PLXDC2: variants seen among roughly 807,000 people sequenced by gnomAD.
PLXDC2 encodes plexin domain-containing protein 2.
Under a neutral mutation model 68.9 loss-of-function variants are expected in PLXDC2, and 40 were observed. That is an observed-to-expected ratio of 0.58 (90% CI 0.45 to 0.76). The LOEUF is 0.76. Ranked by LOEUF, PLXDC2 falls within the 30% of genes least tolerant of loss-of-function variation. The pLI, the probability that PLXDC2 is intolerant of heterozygous loss-of-function variation, is 0.00. For missense variants in PLXDC2, 644 were observed against 661.9 expected (o/e 0.97, Z 0.30); for synonymous variants, 243 against 234.2 (o/e 1.04, Z -0.34).
At position 19,935,211 on chromosome 10, in the gene PLXDC2, T is replaced by A. The variant is rs528836963; in HGVS notation, c.113-66564T>A. Among the ~76,000 whole-genome samples the A allele has an allele frequency of 5.9e-5, 9 of 152,296 alleles. No homozygotes were observed. In the South Asian group the frequency reaches 1.9e-3, roughly 32 times the overall value. On this transcript the variant is annotated intron_variant, in intron 1 of 13. Transcript: ENST00000377252. Reference sequence around the variant, plus strand: ...ACAGTGGGGACCTAATGCTCTTTGATAAGACCAGTAGTCTCCTCAGATGCT... The same window carrying A: ...ACAGTGGGGACCTAATGCTCTTTGAAAAGACCAGTAGTCTCCTCAGATGCT...
chr10:20,239,490 C>T (rs115127774), intron 12 of PLXDC2, among the ~76,000 whole-genome samples: 2,290 of 152,248 alleles, frequency 0.015, 54 homozygotes, highest in African/African-American at 0.051. Context: ...CTTCACAAGG[C>T]GGCAGGACAG....
At chr10:20,230,955 C>G (rs529728210) in intron 12 of PLXDC2, among the ~76,000 whole-genome samples, 2 of 150,588 alleles carry the variant, frequency 1.3e-5, no homozygotes, top group Non-Finnish European at 3.0e-5. Context: ...CACTCTTTGA[C>G]TGCAAAAGAA....
intron 1 of PLXDC2, among the ~76,000 whole-genome samples, chr10:19,934,289 G>T (rs1199972953): frequency 6.6e-6 from 1 of 152,216 alleles, no homozygotes; most frequent in East Asian, 1.9e-4. Context: ...AGAAAGAAAT[G>T]ATAAGTAAAG....
intron 1 of PLXDC2, among the ~76,000 whole-genome samples, chr10:19,827,245 A>G (rs1209974264): frequency 2.6e-5 from 4 of 152,240 alleles, no homozygotes; most frequent in African/African-American, 9.6e-5. Context: ...TTATCCTTGT[A>G]CTGATACACA....
At chr10:20,052,722 C>CAAAAAAAAAAAAAAA (rs59776582) in intron 3 of PLXDC2, among the ~76,000 whole-genome samples, 5 of 92,792 alleles carry the variant, frequency 5.4e-5, no homozygotes, top group African/African-American at 1.2e-4. Context: ...ACAAATTATG[C>CAAAAAAAAAAAAAAA]AAAAAAAAAA....
chr10:19,990,675 TC>T (rs1834731901), intron 1 of PLXDC2, among the ~76,000 whole-genome samples: 1 of 152,216 alleles, frequency 6.6e-6, no homozygotes, highest in Non-Finnish European at 1.5e-5. Flanking sequence ...TGTCTTGATT[TC>T]TTTTTTTAAT....
chr10:20,139,211 A>T (rs371103200), intron 4 of PLXDC2, among the ~76,000 whole-genome samples: 1 of 152,352 alleles, frequency 6.6e-6, no homozygotes, highest in East Asian at 1.9e-4. Flanking sequence ...GTTGATTACA[A>T]CTGATCTCAG....
intron 4 of PLXDC2, among the ~76,000 whole-genome samples, chr10:20,110,973 T>A (rs1291021982): frequency 6.6e-6 from 1 of 152,180 alleles, no homozygotes; most frequent in African/African-American, 2.4e-5. Flanking sequence ...TGGGCTCCCT[T>A]GTCTATGCTC....
chr10:20,208,412 G>A (rs918841559), intron 9 of PLXDC2, among the ~76,000 whole-genome samples: 37 of 150,200 alleles, frequency 2.5e-4, no homozygotes, highest in African/African-American at 8.5e-4. Context: ...AGAACAGTAT[G>A]GGGGAAACTG....
chr10:20,184,092 C>T (rs1247156112), intron 9 of PLXDC2, among the ~76,000 whole-genome samples: 1 of 151,778 alleles, frequency 6.6e-6, no homozygotes, highest in African/African-American at 2.4e-5. Context: ...AGTAGTATCA[C>T]ATAATTATTT....
intron 1 of PLXDC2, among the ~76,000 whole-genome samples, chr10:19,824,952 G>A (rs1311255432): frequency 1.3e-5 from 2 of 152,050 alleles, no homozygotes; most frequent in African/African-American, 2.4e-5. Flanking sequence ...CTGAACATGG[G>A]GTCAGACACT....
intron 2 of PLXDC2, among the ~76,000 whole-genome samples, chr10:20,044,608 C>A (rs1835765448): frequency 6.6e-6 from 1 of 151,902 alleles, no homozygotes; most frequent in Non-Finnish European, 1.5e-5. Context: ...CCGCGTCCAG[C>A]CTGCAATTCT....
intron 2 of PLXDC2, among the ~76,000 whole-genome samples, chr10:20,042,785 TATG>T (rs1334786719): frequency 3.9e-5 from 6 of 152,212 alleles, no homozygotes; most frequent in Non-Finnish European, 8.8e-5. Flanking sequence ...AAGCTGTAGT[TATG>T]ATAACTTTTC....
At position 19,884,811 on chromosome 10, in the gene PLXDC2, A is replaced by T. The variant is rs1224069540; in HGVS notation, c.112+67620A>T. Among the ~76,000 whole-genome samples the T allele has an allele frequency of 2.8e-4, 43 of 152,276 alleles. 1 individual carries two copies. Among genetic ancestry groups the T allele is most frequent in the South Asian group, 1.7e-3 (8 of 4,826 alleles). On this transcript the variant is annotated intron_variant, in intron 1 of 13. Transcript: ENST00000377252. ...TATTGTGAATAGTGCCGCAGTAAAT[A>T]TATGTGTGCATGTGTCTTTATAGCA...
intron 2 of PLXDC2, among the ~76,000 whole-genome samples, chr10:20,012,915 T>C (rs567582065): frequency 5.3e-5 from 8 of 152,180 alleles, no homozygotes; most frequent in Non-Finnish European, 1.0e-4. Context: ...GGAACGGTTG[T>C]TTTGAGTTAT....
chr10:19,839,439 A>C (rs1051287315), intron 1 of PLXDC2, among the ~76,000 whole-genome samples: 1 of 152,174 alleles, frequency 6.6e-6, no homozygotes, highest in Non-Finnish European at 1.5e-5. Context: ...AATTCTTCCA[A>C]TGTGGCCCAG....
intron 1 of PLXDC2, among the ~76,000 whole-genome samples, chr10:19,917,811 TCTG>T (rs1833396464): frequency 6.6e-6 from 1 of 152,214 alleles, no homozygotes; most frequent in African/African-American, 2.4e-5. Context: ...ATGCCTATAT[TCTG>T]CTTCAGCTGC....
At chr10:20,114,271 G>T (rs920726996) in intron 4 of PLXDC2, among the ~76,000 whole-genome samples, 1 of 152,186 alleles carries the variant, frequency 6.6e-6, no homozygotes, top group Non-Finnish European at 1.5e-5. Context: ...ACCTCAGCCT[G>T]TTGCTCTCTG....
intron 1 of PLXDC2, among the ~76,000 whole-genome samples, chr10:19,828,651 T>C (rs1836622138): frequency 6.6e-6 from 1 of 152,220 alleles, no homozygotes; most frequent in Non-Finnish European, 1.5e-5. Flanking sequence ...GACAGTCTCA[T>C]TGTCTGGACA....
Sources: allele counts gnomAD v4.1 joint callset (sites outside exome capture counted in the v4.1 genomes callset), GRCh38; gene constraint gnomAD v4.1.1; transcripts MANE v1.5; gene names NCBI Gene and HGNC (gene_info 2026-07-23, HGNC 2026-07-21).